Variants in ARHGEF3 observed in about 807,000 individuals in gnomAD.
ARHGEF3 encodes the protein Rho guanine nucleotide exchange factor 3, also known as 59.8 kDA protein.
In ARHGEF3, 28 loss-of-function variants were observed where a neutral mutation model predicts 63.2. The ratio of observed to expected loss-of-function variants is 0.44; its 90% CI spans 0.33 to 0.61. The LOEUF (loss-of-function observed/expected upper bound fraction) is 0.61, where lower values mean the gene tolerates loss of function less well. Among genes scored for constraint, ARHGEF3 ranks in the 20% least tolerant of loss-of-function variants. The probability of loss-of-function intolerance (pLI) is 0.03; values close to 1 mark genes in which losing one functional copy is unlikely to be tolerated. For synonymous variants in ARHGEF3, 266 were observed against 254.2 expected (o/e 1.05, Z -0.44); for missense variants, 533 against 659.3 (o/e 0.81, Z 2.10).
At chr3:56,921,935 G>A (rs1296990967) in intron 3 of ARHGEF3, among the ~76,000 whole-genome samples, 1 of 152,216 alleles carries the variant, frequency 6.6e-6, no homozygotes, top group Non-Finnish European at 1.5e-5. Context: ...CTAATCTTGA[G>A]TGCTTATCTT....
intron 1 of ARHGEF3, among the ~76,000 whole-genome samples, chr3:56,779,476 G>GTT (rs1189979162): frequency 6.6e-6 from 1 of 150,856 alleles, no homozygotes; most frequent in African/African-American, 2.5e-5. Flanking sequence ...AAAATAAAAA[G>GTT]TTTTTTTTTA....
At chr3:57,046,640 T>G (rs539349879) in intron 1 of ARHGEF3, among the ~76,000 whole-genome samples, 28 of 152,250 alleles carry the variant, frequency 1.8e-4, no homozygotes, top group African/African-American at 6.0e-4. Flanking sequence ...ACAACTCGGT[T>G]CTCCTACAGT....
chr3:56,949,317 T>C (rs1699682764), intron 3 of ARHGEF3, among the ~76,000 whole-genome samples: 1 of 151,776 alleles, frequency 6.6e-6, no homozygotes, highest in Admixed American at 6.6e-5. Flanking sequence ...GGCTATTCAA[T>C]TAGGAAAAGA....
intron 1 of ARHGEF3, among the ~76,000 whole-genome samples, chr3:57,062,836 CT>C (rs1000945770): frequency 2.5e-4 from 38 of 152,300 alleles, no homozygotes; most frequent in African/African-American, 9.1e-4. Flanking sequence ...GTTTACCAAA[CT>C]TTTCTTTACG....
intron 7 of ARHGEF3, among the ~76,000 whole-genome samples, chr3:56,739,393 TTCC>T (rs1237847809): frequency 5.3e-5 from 5 of 94,038 alleles, no homozygotes; most frequent in Non-Finnish European, 5.5e-5. Context: ...AGTAATTATT[TTCC>T]TTTTTTTTTT....
At chr3:56,979,448 C>T (rs1701243998) in intron 2 of ARHGEF3, among the ~76,000 whole-genome samples, 2 of 152,228 alleles carry the variant, frequency 1.3e-5, no homozygotes, top group South Asian at 2.1e-4. Context: ...GCAGAGGCAT[C>T]TCTTCAAAAT....
At chr3:56,987,752 A>C (rs906570220) in intron 2 of ARHGEF3, among the ~76,000 whole-genome samples, 2 of 152,194 alleles carry the variant, frequency 1.3e-5, no homozygotes, top group Non-Finnish European at 2.9e-5. Flanking sequence ...TCCTGCAGCC[A>C]CTAAGAGACC....
chr3:56,815,154 A>T (rs915359515), intron 4 of ARHGEF3, among the ~76,000 whole-genome samples: 2 of 137,616 alleles, frequency 1.5e-5, no homozygotes, highest in Non-Finnish European at 3.1e-5. Context: ...TAAAAAAATT[A>T]AAAAAAAAAA....
At chr3:56,821,212 A>G (rs2038480540) in intron 4 of ARHGEF3, among the ~76,000 whole-genome samples, 1 of 152,148 alleles carries the variant, frequency 6.6e-6, no homozygotes, top group Non-Finnish European at 1.5e-5. Context: ...AGAGAGGTAT[A>G]GCAGAGTACT....
intron 4 of ARHGEF3, 64 bp downstream of exon 4, chr3:56,753,440 G>T: frequency 7.1e-7 from 1 of 1,409,568 alleles, no homozygotes; most frequent in Non-Finnish European, 1.0e-6. Flanking sequence ...CCACTTTAGG[G>T]TTGTGAAATT....
At chr3:56,986,429 GT>G (rs1701539974) in intron 2 of ARHGEF3, among the ~76,000 whole-genome samples, 3 of 152,196 alleles carry the variant, frequency 2.0e-5, no homozygotes, top group Admixed American at 2.0e-4. Flanking sequence ...AGACAGAAAG[GT>G]TTGGCAACAG....
At chr3:56,988,663 G>A (rs1701631252) in intron 2 of ARHGEF3, among the ~76,000 whole-genome samples, 1 of 152,206 alleles carries the variant, frequency 6.6e-6, no homozygotes, top group Admixed American at 6.5e-5. Flanking sequence ...GCCAGTGAAT[G>A]CTCTGGTTTT....
chr3:56,845,456 G>T (rs961724068), intron 4 of ARHGEF3, among the ~76,000 whole-genome samples: 2 of 152,146 alleles, frequency 1.3e-5, no homozygotes, highest in African/African-American at 4.8e-5. Context: ...ATCTATATTA[G>T]AATTGAGCCA....
intron 2 of ARHGEF3, among the ~76,000 whole-genome samples, chr3:56,760,227 A>G (rs1272773610): frequency 2.0e-5 from 3 of 152,236 alleles, no homozygotes; most frequent in Non-Finnish European, 4.4e-5. Flanking sequence ...ATTCAACTTT[A>G]TATTCCTCAG....
chr3:57,005,518 G>A (rs996577788), intron 2 of ARHGEF3, among the ~76,000 whole-genome samples: 5 of 152,092 alleles, frequency 3.3e-5, no homozygotes, highest in African/African-American at 9.7e-5. Flanking sequence ...TTTGTGCAAC[G>A]GGGCAATCTC....
intron 4 of ARHGEF3, among the ~76,000 whole-genome samples, chr3:56,835,889 A>C (rs1319490982): frequency 2.0e-5 from 3 of 152,224 alleles, no homozygotes; most frequent in African/African-American, 7.2e-5. Flanking sequence ...GCACCTCCAC[A>C]CAGACTTCCC....
intron 7 of ARHGEF3, among the ~76,000 whole-genome samples, chr3:56,740,733 T>C (rs769443003): frequency 2.6e-5 from 4 of 152,206 alleles, no homozygotes; most frequent in African/African-American, 7.2e-5. Context: ...TTTTCCTTAC[T>C]CTTAAAGACC....
chr3:57,037,008 G>C (rs1703991756), intron 1 of ARHGEF3, among the ~76,000 whole-genome samples: 1 of 152,204 alleles, frequency 6.6e-6, no homozygotes, highest in African/African-American at 2.4e-5. Flanking sequence ...TTAGGGGAGA[G>C]TCCCCAGCCA....
At position 56,751,354 on chromosome 3, in the gene ARHGEF3, G is replaced by T; in HGVS notation, c.481C>A (p.Gln161Lys). 1 of 1,614,070 alleles carries T rather than the reference G, an allele frequency of 6.2e-7. No homozygotes were observed. Among genetic ancestry groups the T allele is most frequent in the Non-Finnish European group, 8.5e-7 (1 of 1,179,956 alleles). The change falls in exon 5 of 10, where the codon CAA becomes AAA. Residue 161 changes from glutamine to lysine, a missense_variant. Around this residue, in one of 4 missense-constraint regions of ARHGEF3, gnomAD observed 107 missense variants for 207.9 expected, o/e 0.51. Coordinates refer to ENST00000296315, the MANE Select transcript of ARHGEF3 (RefSeq NM_019555.3). ...PMLKLSIMTE[Q>K]ELNQIFGTLD... ...GTTCCAAAAATTTGATTCAACTCTT[G>T]TTCTGTCATTATGGAGAGTTTCAGC...
Sources: allele counts gnomAD v4.1 joint callset (sites outside exome capture counted in the v4.1 genomes callset), GRCh38; gene constraint gnomAD v4.1.1; regional missense constraint gnomAD v4.1.1; transcripts MANE v1.5; gene names NCBI Gene and HGNC (gene_info 2026-07-23, HGNC 2026-07-21).